The following FZR1 variants were observed in gnomAD, a reference collection of about 807,000 sequenced individuals.
The protein encoded by FZR1 is fizzy-related protein homolog.
Under a neutral mutation model 63.6 loss-of-function variants are expected in FZR1, and 11 were observed. The observed-to-expected ratio is 0.17, with a 90% CI of 0.11 to 0.29. The LOEUF (loss-of-function observed/expected upper bound fraction) is 0.29, where lower values mean the gene tolerates loss of function less well. Among genes scored for constraint, FZR1 ranks in the 10% least tolerant of loss-of-function variants. The pLI, the probability that FZR1 is intolerant of heterozygous loss-of-function variation, is 1.00. For missense variants in FZR1, 440 were observed against 687.5 expected (o/e 0.64, Z 4.03); for synonymous variants, 328 against 297.9 (o/e 1.10, Z -1.04).
Position 3,534,529 on chromosome 19 carries a change from A to T in FZR1, c.1440+16A>T. 1 of 1,543,612 alleles carries T rather than the reference A, an allele frequency of 6.5e-7. No individual in the cohort carries two copies. The highest frequency in any genetic ancestry group is 8.9e-7 in the Non-Finnish European group (1 of 1,124,320). Reference sequence around the variant, plus strand: ...TTCGACAAAGGTAAAGTGGGTCGGTATCAGCGCCACTCGCCCCCGCCCCAG... The same window carrying T: ...TTCGACAAAGGTAAAGTGGGTCGGTTTCAGCGCCACTCGCCCCCGCCCCAG... On this transcript the variant is annotated intron_variant, in intron 13 of 13. Coordinates refer to ENST00000441788, the MANE Select transcript of FZR1 (RefSeq NM_016263.4).
rs115277600 is a variant in FZR1 at position 3,515,948 on chromosome 19, C to T, written c.-34-7008C>T. 4.6e-3 allele frequency among the ~76,000 whole-genome samples: 698 copies of T among 152,250 alleles called. 7 individuals carry two copies. Among genetic ancestry groups the T allele is most frequent in the African/African-American group, 0.016 (669 of 41,546 alleles). On this transcript the variant is annotated intron_variant, in intron 1 of 13. Transcript: ENST00000441788. The surrounding 1 kb of genome is among the most constrained non-coding windows in gnomAD (Gnocchi z 4.6). ...CCATTTTTCTGTGCAGTGGGTCTCA[C>T]AGCCTCTTCCGCTCCCTGTCTGATG...
chr19:3,528,509 G>A (rs1184239690), intron 7 of FZR1, among the ~76,000 whole-genome samples: 1 of 148,232 alleles, frequency 6.7e-6, no homozygotes, highest in African/African-American at 2.5e-5. Flanking sequence ...TCCCATGCAG[G>A]CTCTCCCCTG....
chr19:3,531,676 A>G (rs1237787625), intron 8 of FZR1, 38 bp from the exon 9 acceptor site: 3 of 1,433,512 alleles, frequency 2.1e-6, no homozygotes, highest in East Asian at 5.0e-5. Context: ...CCCGGGCCAG[A>G]CCTGACACCG....
At chr19:3,534,598 C>T (rs1599796190) in intron 13 of FZR1, 85 bp downstream of exon 13, 2 of 1,001,516 alleles carry the variant, frequency 2.0e-6, no homozygotes, top group Non-Finnish European at 3.1e-6. Context: ...TCGGGCGTAC[C>T]CTCCTCTGGG....
intron 6 of FZR1, 28 bp from the exon 7 acceptor site, chr19:3,527,590 AAGTGCCGTGGCTC>A: frequency 6.4e-7 from 1 of 1,554,174 alleles, no homozygotes; most frequent in East Asian, 2.3e-5. Flanking sequence ...GAGGTGACCC[AAGTGCCGTGGCTC>A]ACGGATGCCA....
intron 1 of FZR1, among the ~76,000 whole-genome samples, chr19:3,511,355 G>T (rs1003872479): frequency 1.3e-5 from 2 of 152,234 alleles, no homozygotes; most frequent in African/African-American, 4.8e-5. Context: ...GAGAGCTGCT[G>T]GCCGAGTAGA....
At chr19:3,507,982 A>C (rs566795126) in intron 1 of FZR1, among the ~76,000 whole-genome samples, 1 of 152,234 alleles carries the variant, frequency 6.6e-6, no homozygotes, top group African/African-American at 2.4e-5. Flanking sequence ...ACTTACTCAA[A>C]GGCAAGCCCG....
chr19:3,508,956 T>C (rs2083005660), intron 1 of FZR1, among the ~76,000 whole-genome samples: 1 of 152,200 alleles, frequency 6.6e-6, no homozygotes, highest in Non-Finnish European at 1.5e-5. Context: ...CTGGGCTGTG[T>C]GCTTGCCCAC....
At position 3,526,202 on chromosome 19, in the gene FZR1, C is replaced by T. The variant is rs371682300; in HGVS notation, c.259+19C>T. The T allele has an allele frequency of 3.1e-6, 5 of 1,612,094 alleles. No individual in the cohort carries two copies. The African/African-American group carries it at 5.3e-5, about 17-fold the overall frequency. On this transcript the variant is annotated intron_variant, in intron 4 of 13. Coordinates refer to ENST00000441788, the MANE Select transcript of FZR1 (RefSeq NM_016263.4). This position sits in a 1 kb window ranked among gnomAD's most constrained non-coding sequence, Gnocchi z 5.4. ...GGCAAAGGTTAGGGTCCCAGCCCAT[C>T]CGCCCTGCAGGCCCCCACCCTGCCT...
At chr19:3,532,360 C>T (rs112693645) in intron 10 of FZR1, 57 bp from the exon 11 acceptor site, 104 of 1,373,794 alleles carry the variant, frequency 7.6e-5, no homozygotes, top group Middle Eastern at 6.3e-4. Context: ...CTGTGAGGAC[C>T]GGCCTATGGG....
intron 1 of FZR1, among the ~76,000 whole-genome samples, chr19:3,519,218 C>G (rs1308440103): frequency 6.6e-6 from 1 of 152,246 alleles, no homozygotes; most frequent in East Asian, 1.9e-4. Flanking sequence ...CTGAAACATT[C>G]AGTCACACCT....
rs1259063565 is a variant in FZR1 at position 3,535,327 on chromosome 19, A to C, written c.*491A>C. On this transcript the variant is annotated 3_prime_UTR_variant, in exon 14 of 14. Transcript: ENST00000441788. ...CATGTCAAACCCAAGACCAGCCCCA[A>C]GGCCAGACCAAGGCATGTAGGCCTG... is the stretch of plus-strand genomic sequence containing the variant. The C allele has an allele frequency of 3.1e-5, 5 of 159,852 alleles. No individual in the cohort carries two copies. Among genetic ancestry groups the C allele is most frequent in the Admixed American group, 2.5e-4 (4 of 15,990 alleles). 9.9% of individuals were successfully genotyped at this position (159,852 alleles called of 1,614,324 possible).
intron 8 of FZR1, among the ~76,000 whole-genome samples, chr19:3,531,164 C>T (rs1442689982): frequency 6.6e-6 from 1 of 152,078 alleles, no homozygotes; most frequent in Non-Finnish European, 1.5e-5. Flanking sequence ...CACTCAGGGT[C>T]GAGTGGGCTT....
chr19:3,526,063 T>TA lies in FZR1; in HGVS notation c.196-56dup. On this transcript the variant is annotated intron_variant, in intron 3 of 13. Coordinates refer to ENST00000441788, the MANE Select transcript of FZR1 (RefSeq NM_016263.4). This position sits in a 1 kb window ranked among gnomAD's most constrained non-coding sequence, Gnocchi z 5.4. ...AGGGCCCCTCCCAGCCTCCTTGCTCTAGGGCCGGGAACAAGCGGGCTCCTC... is the reference window on the plus strand; with the variant it reads ...AGGGCCCCTCCCAGCCTCCTTGCTCTAAGGGCCGGGAACAAGCGGGCTCCTC... 6.2e-7 allele frequency: 1 copy of TA among 1,611,336 alleles called. No homozygotes were observed. Among genetic ancestry groups the TA allele is most frequent in the Admixed American group, 1.7e-5 (1 of 60,016 alleles).
Position 3,515,176 on chromosome 19 carries a change from C to T in FZR1, c.-34-7780C>T, listed in dbSNP as rs947888067. Among the ~76,000 whole-genome samples, 3 of 152,246 alleles carry T rather than the reference C, an allele frequency of 2.0e-5. No homozygotes were observed. Among genetic ancestry groups the T allele is most frequent in the African/African-American group, 7.2e-5 (3 of 41,462 alleles). ...AGAACCTCTGCAGGGCCTGGCGGAG[C>T]ACGAGTCACTCACTGATTCACTGCT... On this transcript the variant is annotated intron_variant, in intron 1 of 13. Transcript: ENST00000441788. The surrounding 1 kb of genome is among the most constrained non-coding windows in gnomAD (Gnocchi z 4.6).
At chr19:3,513,936 C>T (rs2121912128) in intron 1 of FZR1, among the ~76,000 whole-genome samples, 1 of 152,328 alleles carries the variant, frequency 6.6e-6, no homozygotes, top group Non-Finnish European at 1.5e-5. Context: ...GTTTCAATTC[C>T]TTTTGTCCGT....
At position 3,535,262 on chromosome 19, in the gene FZR1, G is replaced by C; in HGVS notation, c.*426G>C. 8.0e-6 allele frequency: 1 copy of C among 124,622 alleles called. No individual in the cohort carries two copies. The highest frequency in any genetic ancestry group is 1.4e-5 in the Non-Finnish European group (1 of 72,024). 7.7% of individuals were successfully genotyped at this position (124,622 alleles called of 1,614,324 possible). ...CCAGACGCCAGGGCTGATTGGTGGGGGCCTGAGACCCCGGTTGCCCATTCA... is the reference window on the plus strand; with the variant it reads ...CCAGACGCCAGGGCTGATTGGTGGGCGCCTGAGACCCCGGTTGCCCATTCA... On this transcript the variant is annotated 3_prime_UTR_variant, in exon 14 of 14. Transcript: ENST00000441788.
rs2083059706 is a variant in FZR1, at chr19:3,516,517, GC to G, written c.-34-6438del. On this transcript the variant is annotated intron_variant, in intron 1 of 13. Transcript: ENST00000441788. The surrounding 1 kb of genome is among the most constrained non-coding windows in gnomAD (Gnocchi z 6.0). The stretch of plus-strand genomic sequence containing the variant: ...TTCCTGCAGCGCAGCTGAGCGAGGG[GC>G]TTAGAGGGGTCGCTGGGGGTCCCGG... Among the ~76,000 whole-genome samples the G allele has an allele frequency of 6.6e-6, 1 of 152,226 alleles. No individual in the cohort carries two copies. Among genetic ancestry groups the G allele is most frequent in the South Asian group, 2.1e-4 (1 of 4,834 alleles).
intron 10 of FZR1, 131 bp downstream of exon 10, chr19:3,532,226 G>C (rs533540682): frequency 7.1e-6 from 7 of 979,084 alleles, no homozygotes; most frequent in Admixed American, 2.9e-5. Flanking sequence ...CAGGGCACCA[G>C]GCTTGTCCTT....
Sources: gnomAD v4.1 joint callset for allele counts (sites outside exome capture counted in the v4.1 genomes callset) on GRCh38, gnomAD v4.1.1 for gene constraint, Gnocchi (gnomAD v3.1) non-coding constraint, MANE v1.5 for transcripts, NCBI Gene and HGNC (gene_info 2026-07-23, HGNC 2026-07-21) for gene names.